UBR1: variants seen among roughly 807,000 people sequenced by gnomAD.
The protein encoded by UBR1 is ubiquitin protein ligase E3 component n-recognin 1.
A neutral mutation model predicts 242.1 loss-of-function variants in UBR1; 102 were observed. That is an observed-to-expected ratio of 0.42 (90% CI 0.36 to 0.50). The LOEUF (loss-of-function observed/expected upper bound fraction) is 0.50. Among genes scored for constraint, UBR1 ranks in the 20% least tolerant of loss-of-function variants. The pLI is 0.01. For synonymous variants in UBR1, 675 were observed against 684.8 expected (o/e 0.99, Z 0.22); for missense variants, 1,772 against 2,101.8 (o/e 0.84, Z 3.07).
chr15:42,996,229 T>G (rs969270021), intron 33 of UBR1, among the ~76,000 whole-genome samples: 1 of 152,164 alleles, frequency 6.6e-6, no homozygotes, highest in Non-Finnish European at 1.5e-5. Context: ...TTAATGCTAT[T>G]TCCTCTTGTA....
At chr15:42,980,839 T>C (rs983253919) in intron 37 of UBR1, among the ~76,000 whole-genome samples, 3 of 152,152 alleles carry the variant, frequency 2.0e-5, no homozygotes, top group Non-Finnish European at 4.4e-5. Flanking sequence ...TGAGCTCAAA[T>C]GATCTGCTCA....
intron 12 of UBR1, among the ~76,000 whole-genome samples, chr15:43,051,964 C>G (rs960242966): frequency 6.6e-6 from 1 of 152,178 alleles, no homozygotes; most frequent in African/African-American, 2.4e-5. Context: ...CAAGGTTCAA[C>G]TGCATCTCTT....
chr15:43,027,271 A>G (rs2033190523), intron 22 of UBR1, among the ~76,000 whole-genome samples: 1 of 152,078 alleles, frequency 6.6e-6, no homozygotes, highest in Non-Finnish European at 1.5e-5. Flanking sequence ...GTTATTTGAA[A>G]CTAGTAATGT....
At chr15:42,979,303 T>C (rs1229983001) in intron 37 of UBR1, among the ~76,000 whole-genome samples, 1 of 150,658 alleles carries the variant, frequency 6.6e-6, no homozygotes, top group Non-Finnish European at 1.5e-5. Context: ...CCTCCCAAAG[T>C]GCTGGGATTA....
At chr15:43,104,869 T>A (rs1440254365) in intron 1 of UBR1, among the ~76,000 whole-genome samples, 1 of 151,952 alleles carries the variant, frequency 6.6e-6, no homozygotes, top group Non-Finnish European at 1.5e-5. Flanking sequence ...TAGGCAAGCA[T>A]GGTGGCAGGC....
At chr15:42,954,541 G>T (rs1206626940) in intron 44 of UBR1, among the ~76,000 whole-genome samples, 1 of 152,040 alleles carries the variant, frequency 6.6e-6, no homozygotes, top group Non-Finnish European at 1.5e-5. Context: ...TTCTCAGAGC[G>T]AGTCAAAGAG....
chr15:43,030,708 A>G (rs1439830117), intron 20 of UBR1, among the ~76,000 whole-genome samples: 1 of 152,224 alleles, frequency 6.6e-6, no homozygotes, highest in Non-Finnish European at 1.5e-5. Context: ...CGGTGTCAAC[A>G]GCATCTAATT....
intron 6 of UBR1, among the ~76,000 whole-genome samples, chr15:43,061,903 A>T (rs1268822007): frequency 6.6e-6 from 1 of 152,170 alleles, no homozygotes; most frequent in African/African-American, 2.4e-5. Flanking sequence ...ACAAATCACC[A>T]TTAAAGAACT....
chr15:42,973,415 CT>C (rs2032237990), intron 39 of UBR1, among the ~76,000 whole-genome samples: 3 of 152,266 alleles, frequency 2.0e-5, no homozygotes, highest in African/African-American at 7.2e-5. Context: ...TATCTCTCAG[CT>C]TCTCAAGTAG....
chr15:43,081,417 CAAAA>C (rs71108197), intron 3 of UBR1, among the ~76,000 whole-genome samples: 1 of 69,706 alleles, frequency 1.4e-5, no homozygotes. Context: ...CACCCCATCT[CAAAA>C]AAAAAAAAAA....
In UBR1 at chr15:43,038,202, G is replaced by C. The variant is rs1275835930; in HGVS notation, c.1880C>G (p.Ala627Gly). Residue 627 changes from alanine to glycine, a missense_variant, in exon 16 of 47, where the codon GCT becomes GGT. Physicochemically the swap from Ala to Gly is moderately conservative, Grantham distance 60. This residue lies in a region of UBR1 where 734 missense variants were observed against 893.3 expected (regional missense o/e 0.82). Coordinates refer to ENST00000290650, the MANE Select transcript of UBR1 (RefSeq NM_174916.3). The part of the protein sequence containing the change: ...GLHVRLSRLG[A>G]VSRLHEFVSF... ...CACAAATTCATGCAGTCTTGAAACA[G>C]CACCCAGCCTGCTTAAACGTACATG... 5 of 1,613,946 alleles carry C rather than the reference G, an allele frequency of 3.1e-6. No homozygotes were observed. Among genetic ancestry groups the C allele is most frequent in the Non-Finnish European group, 4.2e-6 (5 of 1,179,998 alleles).
At chr15:42,948,992 C>T (rs1256749521) in intron 46 of UBR1, among the ~76,000 whole-genome samples, 14 of 151,920 alleles carry the variant, frequency 9.2e-5, no homozygotes, top group Non-Finnish European at 1.9e-4. Context: ...ATGTTTATTG[C>T]GGGACTATTC....
intron 6 of UBR1, 27 bp from the exon 7 acceptor site, chr15:43,060,141 G>T: frequency 6.2e-7 from 1 of 1,607,794 alleles, no homozygotes; most frequent in Non-Finnish European, 8.5e-7. Context: ...GTGAGAATTA[G>T]GTAGTGAAAT....
chr15:42,970,978 G>T (rs2032196589), intron 39 of UBR1, among the ~76,000 whole-genome samples: 1 of 152,038 alleles, frequency 6.6e-6, no homozygotes, highest in African/African-American at 2.4e-5. Context: ...GCCTTCCAAA[G>T]TGCTGGAATT....
At chr15:42,961,636 T>C (rs995116534) in intron 42 of UBR1, among the ~76,000 whole-genome samples, 1 of 152,028 alleles carries the variant, frequency 6.6e-6, no homozygotes, top group East Asian at 1.9e-4. Context: ...TCACACCATG[T>C]TGGCCAGGCT....
At chr15:42,971,050 T>A (rs76864255) in intron 39 of UBR1, among the ~76,000 whole-genome samples, 4,212 of 152,334 alleles carry the variant, frequency 0.028, 183 homozygotes, top group African/African-American at 0.095. Context: ...GATGCTGAAT[T>A]TTAAAGTTGT....
intron 37 of UBR1, among the ~76,000 whole-genome samples, chr15:42,978,187 C>T (rs1426656531): frequency 3.3e-5 from 5 of 152,186 alleles, no homozygotes; most frequent in East Asian, 1.9e-4. Context: ...GGAAATGGCA[C>T]GTGAACTAGG....
At chr15:43,021,108 A>T in intron 27 of UBR1, 167 bp downstream of exon 27, 1 of 578,186 alleles carries the variant, frequency 1.7e-6, no homozygotes, top group Non-Finnish European at 3.0e-6. Flanking sequence ...GTTTATTTTT[A>T]AAACTACAAT....
At chr15:43,079,263 T>G (rs1379341175) in intron 3 of UBR1, among the ~76,000 whole-genome samples, 1 of 151,874 alleles carries the variant, frequency 6.6e-6, no homozygotes, top group Non-Finnish European at 1.5e-5. Flanking sequence ...CCCAGAAGTT[T>G]GAGACCAACC....
Sources: allele counts gnomAD v4.1 joint callset (sites outside exome capture counted in the v4.1 genomes callset), GRCh38; gene constraint gnomAD v4.1.1; regional missense constraint gnomAD v4.1.1; transcripts MANE v1.5; gene names NCBI Gene and HGNC (gene_info 2026-07-23, HGNC 2026-07-21).